Variants in PRKCE observed in about 807,000 individuals in gnomAD.
The protein encoded by PRKCE is protein kinase C epsilon.
PRKCE carries 16 observed loss-of-function variants against 85.4 expected under a neutral mutation model. That is an observed-to-expected ratio of 0.19 (90% CI 0.13 to 0.28). PRKCE has a LOEUF of 0.28. PRKCE is among the 10% of genes least tolerant of loss of function. PRKCE has a pLI of 1.00. For missense variants in PRKCE, 573 were observed against 975.2 expected, an observed-to-expected ratio of 0.59 and a Z score of 5.49; for synonymous variants, 388 against 371.5, an observed-to-expected ratio of 1.04 and a Z score of -0.51.
intron 2 of PRKCE, among the ~76,000 whole-genome samples, chr2:45,949,349 T>TTAAAA (rs1335971725): frequency 6.6e-6 from 1 of 151,230 alleles, no homozygotes; most frequent in Non-Finnish European, 1.5e-5. Flanking sequence ...CTGATTACCT[T>TTAAAA]TAAAATATTC....
chr2:46,009,082 T>C (rs1315793316), intron 9 of PRKCE, among the ~76,000 whole-genome samples: 1 of 152,210 alleles, frequency 6.6e-6, no homozygotes, highest in Non-Finnish European at 1.5e-5. Flanking sequence ...GTGACGTTTG[T>C]AGGTAAATGA....
intron 11 of PRKCE, among the ~76,000 whole-genome samples, chr2:46,118,218 C>G (rs1672964566): frequency 6.6e-6 from 1 of 152,204 alleles, no homozygotes. Context: ...ATGACGACAT[C>G]ATTGTTTAAC....
At chr2:45,683,974 A>G (rs1039581832) in intron 1 of PRKCE, among the ~76,000 whole-genome samples, 1 of 152,232 alleles carries the variant, frequency 6.6e-6, no homozygotes, top group African/African-American at 2.4e-5. Context: ...GGGACTTATT[A>G]GCTGGAAGTT....
chr2:45,912,860 G>A (rs1222407759), intron 2 of PRKCE, among the ~76,000 whole-genome samples: 3 of 152,092 alleles, frequency 2.0e-5, no homozygotes, highest in Non-Finnish European at 4.4e-5. Flanking sequence ...GAGCCTCCTG[G>A]GGACCACCAT....
intron 10 of PRKCE, among the ~76,000 whole-genome samples, chr2:46,077,049 G>C (rs1053237504): frequency 1.3e-5 from 2 of 152,148 alleles, no homozygotes; most frequent in African/African-American, 4.8e-5. Flanking sequence ...TATGAAGGAT[G>C]ATGATAAGTC....
At chr2:45,849,268 C>G (rs771413325) in intron 2 of PRKCE, among the ~76,000 whole-genome samples, 1 of 152,162 alleles carries the variant, frequency 6.6e-6, no homozygotes. Flanking sequence ...TTGGTCAAGT[C>G]TGGGACACTG....
At chr2:46,009,362 G>T (rs895503704) in intron 9 of PRKCE, among the ~76,000 whole-genome samples, 2 of 152,166 alleles carry the variant, frequency 1.3e-5, no homozygotes, top group Admixed American at 6.5e-5. Flanking sequence ...AAATTAATAT[G>T]ATAGCAGCAT....
chr2:45,679,171 G>A (rs1676696946), intron 1 of PRKCE, among the ~76,000 whole-genome samples: 1 of 152,156 alleles, frequency 6.6e-6, no homozygotes. Context: ...AAATATGCAA[G>A]CAGCAGAATG....
chr2:46,119,798 G>T (rs942323013), intron 11 of PRKCE, among the ~76,000 whole-genome samples: 4 of 152,204 alleles, frequency 2.6e-5, no homozygotes, highest in African/African-American at 9.7e-5. Context: ...TCCACCCAGT[G>T]TGTTAGTATC....
chr2:45,920,798 C>G (rs182616251), intron 2 of PRKCE, among the ~76,000 whole-genome samples: 7 of 152,268 alleles, frequency 4.6e-5, no homozygotes, highest in Admixed American at 3.3e-4. Context: ...TGAAAATGTT[C>G]TAAAACTGAT....
At chr2:45,716,875 A>C (rs187203281) in intron 1 of PRKCE, among the ~76,000 whole-genome samples, 2 of 152,322 alleles carry the variant, frequency 1.3e-5, no homozygotes, top group East Asian at 3.9e-4. Flanking sequence ...TTCATGTGGC[A>C]GCAGAAAGGA....
chr2:45,715,894 C>T (rs145066344), intron 1 of PRKCE, among the ~76,000 whole-genome samples: 2 of 152,258 alleles, frequency 1.3e-5, no homozygotes, highest in African/African-American at 2.4e-5. Context: ...CCCTTTTCTG[C>T]ACTCCCCCCA....
Position 45,889,814 on chromosome 2 carries a change from CA to C in PRKCE, c.412+46754del, listed in dbSNP as rs1482610725. ...GACTGATACCAGCTTCATATGTACACAAAGGTCACGCACTCCTCCTCCAGTT... is the reference window on the plus strand; with the variant it reads ...GACTGATACCAGCTTCATATGTACACAAGGTCACGCACTCCTCCTCCAGTT... On this transcript the variant is annotated intron_variant, in intron 2 of 14. Transcript: ENST00000306156. Among the ~76,000 whole-genome samples the C allele has an allele frequency of 6.6e-5, 10 of 152,322 alleles. No individual in the cohort carries two copies. The East Asian group carries it at 1.4e-3, about 21-fold the overall frequency.
intron 2 of PRKCE, among the ~76,000 whole-genome samples, chr2:45,949,825 T>C (rs1293640562): frequency 6.6e-6 from 1 of 152,032 alleles, no homozygotes; most frequent in African/African-American, 2.4e-5. Flanking sequence ...TGATACACCA[T>C]GTTTTAATTG....
rs773150627 is a variant in PRKCE, at chr2:45,848,169, C to G, written c.412+5106C>G. On this transcript the variant is annotated intron_variant, in intron 2 of 14. Transcript: ENST00000306156. The stretch of plus-strand genomic sequence containing the variant: ...CAGGATACATATCGACGGGTTCTCT[C>G]AGATTCAAGCCCCACTGGAGCTTCA... Among the ~76,000 whole-genome samples, 21 of 152,344 alleles carry G rather than the reference C, an allele frequency of 1.4e-4. No homozygotes were observed. In the Middle Eastern group the frequency reaches 0.01, roughly 74 times the overall value.
chr2:45,793,068 G>T (rs1220641670), intron 1 of PRKCE, among the ~76,000 whole-genome samples: 1 of 152,196 alleles, frequency 6.6e-6, no homozygotes, highest in Admixed American at 6.5e-5. Flanking sequence ...CAAAGAGCTG[G>T]GATTACAGGC....
intron 1 of PRKCE, among the ~76,000 whole-genome samples, chr2:45,797,492 T>G (rs1381140817): frequency 6.6e-6 from 1 of 152,190 alleles, no homozygotes; most frequent in African/African-American, 2.4e-5. Flanking sequence ...GAGCCACATC[T>G]TATGTTTTGC....
chr2:45,759,455 C>T (rs1684263716), intron 1 of PRKCE, among the ~76,000 whole-genome samples: 1 of 152,208 alleles, frequency 6.6e-6, no homozygotes, highest in African/African-American at 2.4e-5. Context: ...GACGCTACTG[C>T]TGTGAGGCTT....
At chr2:45,737,255 G>A (rs576110119) in intron 1 of PRKCE, among the ~76,000 whole-genome samples, 15 of 152,278 alleles carry the variant, frequency 9.9e-5, no homozygotes, top group African/African-American at 3.1e-4. Flanking sequence ...ATTACCCTTG[G>A]CCCACGTCTT....
Sources: gnomAD v4.1 joint callset for allele counts (sites outside exome capture counted in the v4.1 genomes callset) on GRCh38, gnomAD v4.1.1 for gene constraint, MANE v1.5 for transcripts, NCBI Gene and HGNC (gene_info 2026-07-23, HGNC 2026-07-21) for gene names.